Variants in DNMT3A observed in about 807,000 individuals in gnomAD.
DNMT3A encodes DNA (cytosine-5)-methyltransferase 3A.
In DNMT3A, 267 loss-of-function variants were observed where a neutral mutation model predicts 117.6. The observed-to-expected ratio is 2.27, with a 90% confidence interval of 2.05 to 2.51. The LOEUF is 2.51. DNMT3A is among the 30% of genes most tolerant of loss of function. The pLI is 0.00. For missense variants in DNMT3A, 1,029 were observed against 1,260.2 expected (o/e 0.82, Z 2.78); for synonymous variants, 432 against 474.8 (o/e 0.91, Z 1.17).
At chr2:25,268,032 GTAAACAGCAGCCAACCCT>G (rs1389729787) in intron 6 of DNMT3A, among the ~76,000 whole-genome samples, 3 of 152,154 alleles carry the variant, frequency 2.0e-5, no homozygotes, top group African/African-American at 7.2e-5. Flanking sequence ...AAAGGTCGCA[GTAAACAGCAGCCAACCCT>G]TAAGGTCCAT....
At chr2:25,309,857 T>C (rs948881658) in intron 2 of DNMT3A, among the ~76,000 whole-genome samples, 2 of 151,584 alleles carry the variant, frequency 1.3e-5, no homozygotes, top group African/African-American at 4.9e-5. Context: ...ATCGAGACCA[T>C]GCTGGCTAAC....
chr2:25,327,143 C>T lies in DNMT3A; in HGVS notation c.-177-12982G>A, dbSNP rs2034817936. 6.6e-6 allele frequency among the ~76,000 whole-genome samples: 1 copy of T among 152,182 alleles called. No homozygotes were observed. Among genetic ancestry groups the T allele is most frequent in the African/African-American group, 2.4e-5 (1 of 41,452 alleles). On this transcript the variant is annotated intron_variant, in intron 1 of 22. Transcript: ENST00000321117. The surrounding 1 kb of genome is among the most constrained non-coding windows in gnomAD (Gnocchi z 4.1). ...CAACCCTAGAGGTAGGGGCTGTTCT[C>T]ATATCTATTATTTTTGTATTCTTTG...
In DNMT3A at chr2:25,254,225, T is replaced by C. The variant is rs1237221144; in HGVS notation, c.640-5973A>G. On this transcript the variant is annotated intron_variant, in intron 6 of 22. Transcript: ENST00000321117. The surrounding 1 kb of genome is among the most constrained non-coding windows in gnomAD (Gnocchi z 4.7). ...GCCATGGAACGCCACCATCTCCTAA[T>C]GACAATGAGACAATTCTCTAGGTGC... Among the ~76,000 whole-genome samples the C allele has an allele frequency of 6.6e-6, 1 of 152,038 alleles. No individual in the cohort carries two copies. Among genetic ancestry groups the C allele is most frequent in the Non-Finnish European group, 1.5e-5 (1 of 68,014 alleles).
intron 2 of DNMT3A, among the ~76,000 whole-genome samples, chr2:25,307,984 G>C (rs911276069): frequency 7.2e-5 from 11 of 152,238 alleles, no homozygotes; most frequent in African/African-American, 2.6e-4. Flanking sequence ...TTTGTTCAAG[G>C]GATAAAGGGA....
chr2:25,265,727 G>A (rs764128618), intron 6 of DNMT3A, among the ~76,000 whole-genome samples: 5 of 151,870 alleles, frequency 3.3e-5, no homozygotes, highest in African/African-American at 4.8e-5. Flanking sequence ...GCTGGGGCAG[G>A]AGAATCGCTT....
intron 6 of DNMT3A, among the ~76,000 whole-genome samples, chr2:25,265,544 C>G (rs1019457539): frequency 1.3e-5 from 2 of 152,112 alleles, no homozygotes; most frequent in Admixed American, 6.6e-5. Context: ...TCTGGCCGGG[C>G]GCGGTGGCTC....
At position 25,294,491 on chromosome 2, in the gene DNMT3A, T is replaced by G; in HGVS notation, c.177+5648A>C. Among the ~76,000 whole-genome samples, 1 of 150,532 alleles carries G rather than the reference T, an allele frequency of 6.6e-6. No homozygotes were observed. Among genetic ancestry groups the G allele is most frequent in the African/African-American group, 2.5e-5 (1 of 40,746 alleles). ...TGGGCCAAGGGCTGCAGCCCAGGAG[T>G]GGGAGACACGATGTCAGGAAGTTAT... On this transcript the variant is annotated intron_variant, in intron 3 of 22. Transcript: ENST00000321117. This position sits in a 1 kb window ranked among gnomAD's most constrained non-coding sequence, Gnocchi z 4.7.
At position 25,234,477 on chromosome 2, in the gene DNMT3A, G is replaced by A; in HGVS notation, c.2598-57C>T. On this transcript the variant is annotated intron_variant, in intron 22 of 22. Transcript: ENST00000321117. This position sits in a 1 kb window ranked among gnomAD's most constrained non-coding sequence, Gnocchi z 4.5. ...AGTGCTGGCCAGACCAGGCTGCCCGGAAGCCGTCTAACCACACAGCAGGAC... is the reference window on the plus strand; with the variant it reads ...AGTGCTGGCCAGACCAGGCTGCCCGAAAGCCGTCTAACCACACAGCAGGAC... 6.4e-7 allele frequency: 1 copy of A among 1,562,360 alleles called. No individual in the cohort carries two copies. The highest frequency in any genetic ancestry group is 8.7e-7 in the Non-Finnish European group (1 of 1,149,318).
chr2:25,271,706 G>A (rs1378329581), intron 6 of DNMT3A, among the ~76,000 whole-genome samples: 2 of 152,184 alleles, frequency 1.3e-5, no homozygotes, highest in Non-Finnish European at 2.9e-5. Context: ...TTACAGCATA[G>A]GAATAAGGAA....
rs776003396 is a variant in DNMT3A at position 25,314,159 on chromosome 2, C to T, written c.-175G>A. On this transcript the variant is annotated splice_region_variant and 5_prime_UTR_variant, in exon 2 of 23. Transcript: ENST00000321117. ...CTGTGGGTGGGGGCTTCGATGGCTC[C>T]ACCTGTGGGGGAGAGAAGAGGATCA... The T allele has an allele frequency of 2.7e-4, 390 of 1,424,528 alleles. No homozygotes were observed. The highest frequency in any genetic ancestry group is 3.3e-4 in the Non-Finnish European group (360 of 1,093,132). The allele number at this position is 1,424,528 out of a possible 1,614,324, so 88.2% of individuals were successfully genotyped here.
Position 25,244,275 on chromosome 2 carries a change from CTT to C in DNMT3A, c.1729_1730del (p.Lys577GlyfsTer34). ...VGPGAAQAAI[K>X]EDPWNCYMCG... ...ACATGTAGCAGTTCCAGGGGTCTTCCTTAATGGCTGCCTGGGCAGCCCCCGGC... is the reference window on the plus strand; with the variant it reads ...ACATGTAGCAGTTCCAGGGGTCTTCCAATGGCTGCCTGGGCAGCCCCCGGC... On this transcript the variant is annotated frameshift_variant, in exon 15 of 23. Coordinates refer to ENST00000321117, the MANE Select transcript of DNMT3A (RefSeq NM_022552.5). LOFTEE classifies it high-confidence loss of function. 6.2e-7 allele frequency: 1 copy of C among 1,613,546 alleles called. No homozygotes were observed. The highest frequency in any genetic ancestry group is 8.5e-7 in the Non-Finnish European group (1 of 1,179,836).
At chr2:25,316,198 T>A (rs1208163047) in intron 1 of DNMT3A, among the ~76,000 whole-genome samples, 1 of 152,164 alleles carries the variant, frequency 6.6e-6, no homozygotes, top group Non-Finnish European at 1.5e-5. Context: ...GCCCTAGGCT[T>A]AGGGACACCC....
chr2:25,250,227 G>A (rs1675345748), intron 6 of DNMT3A, among the ~76,000 whole-genome samples: 1 of 152,184 alleles, frequency 6.6e-6, no homozygotes, highest in Non-Finnish European at 1.5e-5. Context: ...GAAGCTCAGT[G>A]GTCCAATGTA....
At chr2:25,320,798 A>T (rs982423411) in intron 1 of DNMT3A, among the ~76,000 whole-genome samples, 2 of 152,242 alleles carry the variant, frequency 1.3e-5, no homozygotes, top group Non-Finnish European at 2.9e-5. Flanking sequence ...ATGTACACAC[A>T]AATTACTTTT....
In DNMT3A at chr2:25,339,085, G is replaced by A. The variant is rs1007854521; in HGVS notation, c.-178+2741C>T. Among the ~76,000 whole-genome samples the A allele has an allele frequency of 1.3e-5, 2 of 151,882 alleles. No individual in the cohort carries two copies. The highest frequency in any genetic ancestry group is 1.9e-4 in the East Asian group (1 of 5,168). Reference sequence around the variant, plus strand: ...GCCTCTCCTTCCCAAGGCCCAACTCGCTGGGCGCCCTGATCTCTCTCATAT... The same window carrying A: ...GCCTCTCCTTCCCAAGGCCCAACTCACTGGGCGCCCTGATCTCTCTCATAT... On this transcript the variant is annotated intron_variant, in intron 1 of 22. Coordinates refer to ENST00000321117, the MANE Select transcript of DNMT3A (RefSeq NM_022552.5). The surrounding 1 kb of genome is among the most constrained non-coding windows in gnomAD (Gnocchi z 4.9).
In DNMT3A at chr2:25,231,650, G is replaced by A. The variant is rs1672890322; in HGVS notation, c.*2629C>T. ...GGATGTCAATTTGATTTCAGTTGGGGAGAATAGGTAGGGGGAGTTGAGGGC... is the reference window on the plus strand; with the variant it reads ...GGATGTCAATTTGATTTCAGTTGGGAAGAATAGGTAGGGGGAGTTGAGGGC... On this transcript the variant is annotated 3_prime_UTR_variant, in exon 23 of 23. Transcript: ENST00000321117. The A allele has an allele frequency of 6.6e-6, 1 of 152,224 alleles. No individual in the cohort carries two copies. Among genetic ancestry groups the A allele is most frequent in the Non-Finnish European group, 1.5e-5 (1 of 68,140 alleles). The allele number at this position is 152,224 out of a possible 1,614,324, so 9.4% of individuals were successfully genotyped here.
At chr2:25,310,171 C>G (rs1052911416) in intron 2 of DNMT3A, among the ~76,000 whole-genome samples, 6 of 152,176 alleles carry the variant, frequency 3.9e-5, no homozygotes, top group African/African-American at 1.4e-4. Flanking sequence ...GAACTGAGAA[C>G]AGGGGCCTGG....
chr2:25,302,183 C>T (rs2033557680), intron 2 of DNMT3A, among the ~76,000 whole-genome samples: 1 of 151,958 alleles, frequency 6.6e-6, no homozygotes, highest in South Asian at 2.1e-4. Context: ...AGGCAGAGCT[C>T]ACACAGGAGA....
intron 4 of DNMT3A, among the ~76,000 whole-genome samples, chr2:25,279,838 C>A (rs2031753915): frequency 1.3e-5 from 2 of 152,084 alleles, no homozygotes. Context: ...AGGCATGCAC[C>A]ACCAAGCTCG....
Sources: allele counts gnomAD v4.1 joint callset (sites outside exome capture counted in the v4.1 genomes callset), GRCh38; gene constraint gnomAD v4.1.1; non-coding constraint Gnocchi (gnomAD v3.1); transcripts MANE v1.5; gene names NCBI Gene and HGNC (gene_info 2026-07-23, HGNC 2026-07-21).